The following DLGAP1 variants were observed in gnomAD, a reference collection of about 807,000 sequenced individuals.
DLGAP1 encodes the protein disks large-associated protein 1.
Under a neutral mutation model 90.8 loss-of-function variants are expected in DLGAP1, and 11 were observed. The observed-to-expected ratio is 0.12, with a 90% CI of 0.08 to 0.20. The LOEUF is 0.20. DLGAP1 is among the 10% of genes least tolerant of loss of function. The probability of loss-of-function intolerance (pLI) is 1.00; values close to 1 mark genes in which losing one functional copy is unlikely to be tolerated. For synonymous variants in DLGAP1, 558 were observed against 540.7 expected (o/e 1.03, Z -0.44); for missense variants, 1,050 against 1,333.8 (o/e 0.79, Z 3.31).
intron 2 of DLGAP1, among the ~76,000 whole-genome samples, chr18:4,039,001 C>G (rs6506155): frequency 0.09 from 13,739 of 152,054 alleles, 2,050 homozygotes; most frequent in African/African-American, 0.31. Flanking sequence ...GTCAAGCACA[C>G]AAGCACACAG....
chr18:4,111,176 GT>G lies in DLGAP1; in HGVS notation c.-159+40003del, dbSNP rs555326450. On this transcript the variant is annotated intron_variant, in intron 2 of 12. Transcript: ENST00000315677. ...TGTGTCTATTAAGATGATCTTCTGA[GT>G]TTTTTTCTGTTGTATTGATATGATG... Among the ~76,000 whole-genome samples the G allele has an allele frequency of 1.9e-3, 294 of 152,056 alleles. 1 individual carries two copies. Among genetic ancestry groups the G allele is most frequent in the African/African-American group, 6.7e-3 (278 of 41,470 alleles).
In DLGAP1 at chr18:3,879,587, C is replaced by G; in HGVS notation, c.482G>C (p.Gly161Ala). 6.2e-7 allele frequency: 1 copy of G among 1,600,508 alleles called. No individual in the cohort carries two copies. Among genetic ancestry groups the G allele is most frequent in the East Asian group, 2.2e-5 (1 of 44,790 alleles). The change falls in exon 4 of 13, where the codon GGC (glycine) becomes GCC (alanine). Residue 161 changes from glycine to alanine, a missense_variant. Physicochemically the swap from Gly to Ala is moderately conservative, Grantham distance 60 (BLOSUM62 0). Around this residue, in one of 2 missense-constraint regions of DLGAP1, gnomAD observed 485 missense variants for 454.1 expected, o/e 1.07. Transcript: ENST00000315677. This position sits in a 1 kb window ranked among gnomAD's most constrained non-coding sequence, Gnocchi z 6.6. ...KSHSLEGPSK[G>A]SVNGGKASPD... ...GCTGGCCTTGCCCCCGTTGACGCTG[C>G]CCTTGGACGGCCCCTCCAGGGAGTG...
At chr18:4,329,435 A>G (rs1371172997) in intron 1 of DLGAP1, among the ~76,000 whole-genome samples, 2 of 151,924 alleles carry the variant, frequency 1.3e-5, no homozygotes, top group African/African-American at 4.8e-5. Context: ...TAAGTTCTCC[A>G]GCTTTGTTTT....
intron 1 of DLGAP1, among the ~76,000 whole-genome samples, chr18:4,430,243 G>A (rs1300787146): frequency 1.3e-5 from 2 of 152,046 alleles, no homozygotes; most frequent in African/African-American, 4.8e-5. Context: ...AAGTAGACAT[G>A]GAAGTTTAAT....
At chr18:3,562,706 G>A (rs915266098) in intron 9 of DLGAP1, among the ~76,000 whole-genome samples, 2 of 131,170 alleles carry the variant, frequency 1.5e-5, no homozygotes, top group Non-Finnish European at 3.6e-5. Flanking sequence ...CACCACGCCT[G>A]GTTAATTTTT....
intron 7 of DLGAP1, among the ~76,000 whole-genome samples, chr18:3,723,563 TG>T (rs200973149): frequency 2.6e-5 from 4 of 150,968 alleles, no homozygotes; most frequent in African/African-American, 4.9e-5. Context: ...AGGGTTTGTG[TG>T]GGGGGGGAGT....
At chr18:3,838,015 A>AG (rs549985642) in intron 4 of DLGAP1, among the ~76,000 whole-genome samples, 16,859 of 152,074 alleles carry the variant, frequency 0.11, 1,030 homozygotes, top group Middle Eastern at 0.13. Context: ...ATTAAAAAAA[A>AG]TATAGATTGG....
At chr18:3,766,171 A>C (rs1416135100) in intron 5 of DLGAP1, among the ~76,000 whole-genome samples, 1 of 152,174 alleles carries the variant, frequency 6.6e-6, no homozygotes, top group Non-Finnish European at 1.5e-5. Flanking sequence ...TTAAAGGAAA[A>C]TAGGAGTTGC....
At chr18:4,305,766 T>C (rs1401955683) in intron 1 of DLGAP1, among the ~76,000 whole-genome samples, 2 of 152,164 alleles carry the variant, frequency 1.3e-5, no homozygotes, top group African/African-American at 2.4e-5. Context: ...CTGGTCATTT[T>C]ACTTCAAAGC....
intron 3 of DLGAP1, among the ~76,000 whole-genome samples, chr18:3,952,263 G>A (rs2073001338): frequency 6.6e-6 from 1 of 152,116 alleles, no homozygotes; most frequent in African/African-American, 2.4e-5. Context: ...ATCTTTTAAT[G>A]CCAGATGGGA....
chr18:3,662,256 T>C (rs2059710505), intron 7 of DLGAP1, among the ~76,000 whole-genome samples: 1 of 152,160 alleles, frequency 6.6e-6, no homozygotes, highest in Non-Finnish European at 1.5e-5. Context: ...AAAATTGTTT[T>C]AACACTCCTA....
chr18:3,557,770 T>TA (rs1456451081), intron 9 of DLGAP1, among the ~76,000 whole-genome samples: 2 of 151,998 alleles, frequency 1.3e-5, no homozygotes, highest in Non-Finnish European at 2.9e-5. Flanking sequence ...CTACTAAAAA[T>TA]ACAAAAATCA....
At chr18:3,871,344 A>G (rs951538014) in intron 4 of DLGAP1, among the ~76,000 whole-genome samples, 1 of 152,158 alleles carries the variant, frequency 6.6e-6, no homozygotes, top group Non-Finnish European at 1.5e-5. Flanking sequence ...GCTACACCAG[A>G]TGACCTTCTG....
intron 4 of DLGAP1, among the ~76,000 whole-genome samples, chr18:3,820,565 C>T (rs2067354234): frequency 6.6e-6 from 1 of 152,202 alleles, no homozygotes; most frequent in Non-Finnish European, 1.5e-5. Flanking sequence ...ATTTCAATGA[C>T]AGCAGCCAGG....
intron 4 of DLGAP1, among the ~76,000 whole-genome samples, chr18:3,826,015 T>A (rs1200507353): frequency 6.6e-6 from 1 of 152,200 alleles, no homozygotes; most frequent in Non-Finnish European, 1.5e-5. Context: ...CTAAATGAAT[T>A]CATGCAGAAA....
At chr18:3,598,836 C>T (rs779109385) in intron 7 of DLGAP1, among the ~76,000 whole-genome samples, 1 of 151,926 alleles carries the variant, frequency 6.6e-6, no homozygotes, top group Non-Finnish European at 1.5e-5. Flanking sequence ...CTTGCTCTGT[C>T]ACCCAGGCTG....
chr18:4,172,420 A>G (rs558117085), intron 1 of DLGAP1, among the ~76,000 whole-genome samples: 42 of 152,322 alleles, frequency 2.8e-4, no homozygotes, highest in African/African-American at 9.9e-4. Flanking sequence ...CTTTCTAAAT[A>G]TATCACCATT....
In DLGAP1 at chr18:4,223,835, T is replaced by A. The variant is rs80282617; in HGVS notation, c.-266-72548A>T. On this transcript the variant is annotated intron_variant, in intron 1 of 12. Transcript: ENST00000315677. Reference sequence around the variant, plus strand: ...GAACAGAGAAGTAGTCCAAAGAGCATCCTTATGGCACATATCATTGCCATA... The same window carrying A: ...GAACAGAGAAGTAGTCCAAAGAGCAACCTTATGGCACATATCATTGCCATA... 9.4e-3 allele frequency among the ~76,000 whole-genome samples: 1,432 copies of A among 152,274 alleles called. 24 individuals carry two copies. Among genetic ancestry groups the A allele is most frequent in the African/African-American group, 0.032 (1,349 of 41,552 alleles).
chr18:4,211,458 A>G (rs1449166257), intron 1 of DLGAP1, among the ~76,000 whole-genome samples: 1 of 152,188 alleles, frequency 6.6e-6, no homozygotes, highest in African/African-American at 2.4e-5. Flanking sequence ...GTAGGTCCTT[A>G]GTTTGAATCT....
Sources: gnomAD v4.1 joint callset for allele counts (sites outside exome capture counted in the v4.1 genomes callset) on GRCh38, gnomAD v4.1.1 for gene constraint, gnomAD v4.1.1 regional missense constraint, Gnocchi (gnomAD v3.1) non-coding constraint, MANE v1.5 for transcripts, NCBI Gene and HGNC (gene_info 2026-07-23, HGNC 2026-07-21) for gene names.